USP31: variants seen among roughly 807,000 people sequenced by gnomAD.
USP31 encodes the protein ubiquitin specific peptidase 31.
In USP31, 44 loss-of-function variants were observed where a neutral mutation model predicts 119.4. The ratio of observed to expected loss-of-function variants is 0.37; its 90% CI spans 0.29 to 0.47. The LOEUF (loss-of-function observed/expected upper bound fraction) is 0.47. Ranked by LOEUF, USP31 falls within the 20% of genes least tolerant of loss-of-function variation. The probability of loss-of-function intolerance (pLI) is 0.99; values close to 1 mark genes in which losing one functional copy is unlikely to be tolerated. For missense variants in USP31, 1,643 were observed against 1,730.2 expected, an observed-to-expected ratio of 0.95 and a Z score of 0.89; for synonymous variants, 749 against 705.6, an observed-to-expected ratio of 1.06 and a Z score of -0.97.
At chr16:23,135,137 T>TAAAAAAAAAAA in intron 1 of USP31, among the ~76,000 whole-genome samples, 1 of 127,842 alleles carries the variant, frequency 7.8e-6, no homozygotes, top group Non-Finnish European at 1.7e-5. Flanking sequence ...TTTCATGATT[T>TAAAAAAAAAAA]AAAAAAAAAA....
intron 1 of USP31, among the ~76,000 whole-genome samples, chr16:23,146,318 C>T (rs1233796887): frequency 2.6e-5 from 4 of 151,982 alleles, no homozygotes; most frequent in African/African-American, 9.7e-5. Context: ...CAGCTGGGCA[C>T]GGTGGCTCAC....
chr16:23,115,543 C>A (rs1036229169), intron 1 of USP31, among the ~76,000 whole-genome samples: 2 of 152,010 alleles, frequency 1.3e-5, no homozygotes, highest in African/African-American at 4.8e-5. Flanking sequence ...AGAACATGCA[C>A]CTTCTTAAAA....
intron 15 of USP31, 84 bp downstream of exon 15, chr16:23,071,961 C>A: frequency 1.3e-6 from 2 of 1,531,094 alleles, no homozygotes; most frequent in Non-Finnish European, 1.8e-6. Context: ...CTCCTTGGGA[C>A]TTAGCTCCTA....
At chr16:23,072,494 GA>G (rs1196501621) in intron 14 of USP31, 1 of 592,702 alleles carries the variant, frequency 1.7e-6, no homozygotes, top group Non-Finnish European at 3.0e-6. Flanking sequence ...CAAGAGAATG[GA>G]ATAGACAAGC....
At chr16:23,087,224 T>C in intron 8 of USP31, 38 bp from the exon 9 acceptor site, 1 of 1,586,386 alleles carries the variant, frequency 6.3e-7, no homozygotes, top group Non-Finnish European at 8.6e-7. Flanking sequence ...GCCAAATTTT[T>C]CTTCAAGGGC....
At position 23,149,381 on chromosome 16, in the gene USP31, G is replaced by A. The variant is rs1250898122; in HGVS notation, c.-111C>T. ...GCCTCACCGGGCCCGGGGGCTCGAC[G>A]CCCCACACACCTCAAAGCGCAGCCG... On this transcript the variant is annotated 5_prime_UTR_variant, in exon 1 of 16. Coordinates refer to ENST00000219689, the MANE Select transcript of USP31 (RefSeq NM_020718.4). 24 of 983,416 alleles carry A rather than the reference G, an allele frequency of 2.4e-5. No individual in the cohort carries two copies. The highest frequency in any genetic ancestry group is 7.2e-6 in the Non-Finnish European group (6 of 829,482). The allele number at this position is 983,416 out of a possible 1,614,324, so 60.9% of individuals were successfully genotyped here.
intron 1 of USP31, among the ~76,000 whole-genome samples, chr16:23,143,721 T>C (rs189401176): frequency 1.2e-3 from 182 of 152,312 alleles, no homozygotes; most frequent in African/African-American, 4.3e-3. Flanking sequence ...TCAGCACTAC[T>C]GACACTTTGG....
At chr16:23,092,782 G>A (rs1211737051) in intron 6 of USP31, among the ~76,000 whole-genome samples, 1 of 152,130 alleles carries the variant, frequency 6.6e-6, no homozygotes, top group Non-Finnish European at 1.5e-5. Flanking sequence ...TGAATTGTAA[G>A]CTGGCATTGG....
At position 23,149,352 on chromosome 16, in the gene USP31, C is replaced by T; in HGVS notation, c.-82G>A. The T allele has an allele frequency of 2.0e-6, 2 of 994,932 alleles. No homozygotes were observed. The highest frequency in any genetic ancestry group is 5.1e-4 in the Middle Eastern group (1 of 1,978). 61.6% of individuals were successfully genotyped at this position (994,932 alleles called of 1,614,324 possible). On this transcript the variant is annotated 5_prime_UTR_variant, in exon 1 of 16. Transcript: ENST00000219689. ...ACGGCCGCCGCCGCATCCCGCAGCG[C>T]CGCGCCTCACCGGGCCCGGGGGCTC... is the stretch of plus-strand genomic sequence containing the variant.
chr16:23,106,446 G>C lies in USP31; in HGVS notation c.813C>G (p.Phe271Leu). 1 of 1,613,684 alleles carries C rather than the reference G, an allele frequency of 6.2e-7. No individual in the cohort carries two copies. The highest frequency in any genetic ancestry group is 8.5e-7 in the Non-Finnish European group (1 of 1,179,862). Reference protein sequence around the residue: ...ETDMMPEGPSFPVCSTFVQEL... With the variant: ...ETDMMPEGPSLPVCSTFVQEL... ...CTTGTACAAAAGTGCTACAGACAGG[G>C]AAAGATGGTCCCTCAGGCATCATAT... Residue 271 changes from phenylalanine (F) to leucine (L), a missense_variant, in exon 3 of 16, where the codon TTC becomes TTG. By Grantham distance (22) the Phe-to-Leu change is conservative. Transcript: ENST00000219689.
chr16:23,119,693 C>A (rs1401368015), intron 1 of USP31, among the ~76,000 whole-genome samples: 1 of 152,070 alleles, frequency 6.6e-6, no homozygotes, highest in Admixed American at 6.6e-5. Flanking sequence ...AAATATGGCC[C>A]AGAAACAAAA....
At position 23,102,378 on chromosome 16, in the gene USP31, C is replaced by T. The variant is rs542922018; in HGVS notation, c.1175G>A (p.Cys392Tyr). The change falls in exon 6 of 16, where the codon TGC becomes TAC. Residue 392 changes from cysteine (C) to tyrosine (Y), a missense_variant. By Grantham distance (194) the Cys-to-Tyr change is radical. Around this residue, in one of 5 missense-constraint regions of USP31, gnomAD observed 219 missense variants for 226.4 expected, o/e 0.97. Coordinates refer to ENST00000219689, the MANE Select transcript of USP31 (RefSeq NM_020718.4). ...TTCGGGAGTCTCAAAGGCAAAAATG[C>T]AGTCGCTTTCATGGACTGTTTCCAG... ...DDLETVHESDCIFAFETPEIF... is the reference protein window; with the variant it reads ...DDLETVHESDYIFAFETPEIF... The T allele has an allele frequency of 4.3e-6, 7 of 1,613,816 alleles. No individual in the cohort carries two copies. In the South Asian group the frequency reaches 7.7e-5, roughly 18 times the overall value.
chr16:23,079,991 C>A lies in USP31; in HGVS notation c.2131G>T (p.Ala711Ser). The change falls in exon 13 of 16, where the codon GCT (alanine) becomes TCT (serine). Residue 711 changes from alanine to serine, a missense_variant. Ala to Ser is a moderately conservative substitution (Grantham distance 99). Around this residue, in one of 5 missense-constraint regions of USP31, gnomAD observed 279 missense variants for 372.2 expected, o/e 0.75. Coordinates refer to ENST00000219689, the MANE Select transcript of USP31 (RefSeq NM_020718.4). ...ATGGTGCCATGGTGATTGCACACAG[C>A]ATACAGGTCATAGATGTAGTCCTCA... ...DPEDYIYDLY[A>S]VCNHHGTMQG... is the part of the protein sequence containing the mutation. 6.2e-7 allele frequency: 1 copy of A among 1,614,064 alleles called. No homozygotes were observed. The highest frequency in any genetic ancestry group is 8.5e-7 in the Non-Finnish European group (1 of 1,180,006).
chr16:23,146,523 ATC>A (rs1430050400), intron 1 of USP31, among the ~76,000 whole-genome samples: 5 of 152,202 alleles, frequency 3.3e-5, no homozygotes, highest in Admixed American at 3.3e-4. Flanking sequence ...GTGAGACTCC[ATC>A]TCAAAAATAA....
intron 5 of USP31, 88 bp downstream of exon 5, chr16:23,105,353 A>C: frequency 7.1e-7 from 1 of 1,402,260 alleles, no homozygotes; most frequent in Non-Finnish European, 9.4e-7. Context: ...ATCCAACCAT[A>C]CTTGGCAAAG....
intron 9 of USP31, among the ~76,000 whole-genome samples, chr16:23,086,269 G>T (rs907864764): frequency 2.8e-4 from 43 of 152,142 alleles, no homozygotes; most frequent in African/African-American, 1.0e-3. Flanking sequence ...CTTTCAAGCA[G>T]GACCATATTG....
Position 23,069,077 on chromosome 16 carries a change from TG to T in USP31, c.3027del (p.Ser1010AlafsTer55). On this transcript the variant is annotated frameshift_variant, in exon 16 of 16. Transcript: ENST00000219689. LOFTEE classifies it high-confidence loss of function. ...TTCTTTGCGAGTGAGCCTGGGTGGC[TG>T]GGGGCTTTCACCTCTTTGACTGGAG... Reference protein sequence around the residue: ...DSSPVKEVKAPSHPGSLAKKP... With the variant: ...DSSPVKEVKAXSHPGSLAKKP... 6.2e-7 allele frequency: 1 copy of T among 1,612,462 alleles called. No homozygotes were observed.
Position 23,087,788 on chromosome 16 carries a change from T to C in USP31, c.1463A>G (p.Asp488Gly). The C allele has an allele frequency of 6.2e-7, 1 of 1,614,030 alleles. No individual in the cohort carries two copies. Among genetic ancestry groups the C allele is most frequent in the Non-Finnish European group, 8.5e-7 (1 of 1,180,014 alleles). ...VLHLEKTIAWDLLQKEILEKM... is the reference protein window; with the variant it reads ...VLHLEKTIAWGLLQKEILEKM... ...CTCCAAGATTTCCTTCTGCAGAAGG[T>C]CCCAAGCTATTGTCTTCTCTAAGTG... is the stretch of plus-strand genomic sequence containing the variant. The change falls in exon 8 of 16, where the codon GAC becomes GGC. Residue 488 changes from aspartate (D) to glycine (G), a missense_variant. By Grantham distance (94) the Asp-to-Gly change is moderately conservative. Coordinates refer to ENST00000219689, the MANE Select transcript of USP31 (RefSeq NM_020718.4).
In USP31 at chr16:23,073,797, T is replaced by C; in HGVS notation, c.2260A>G (p.Thr754Ala). ...TAGAAGAGGATGTATGCTGTCTGCG[T>C]GCAGACCTCATCTTCTGACAGCTGC... ...VQQLSEDEVC[T>A]QTAYILFYQR... Residue 754 changes from threonine (T) to alanine (A), a missense_variant, in exon 14 of 16, where the codon ACG becomes GCG. Around this residue, in one of 5 missense-constraint regions of USP31, gnomAD observed 279 missense variants for 372.2 expected, o/e 0.75. Transcript: ENST00000219689. 1.2e-6 allele frequency: 2 copies of C among 1,614,168 alleles called. No homozygotes were observed. Among genetic ancestry groups the C allele is most frequent in the East Asian group, 2.2e-5 (1 of 44,880 alleles).
Sources: gnomAD v4.1 joint callset for allele counts (sites outside exome capture counted in the v4.1 genomes callset) on GRCh38, gnomAD v4.1.1 for gene constraint, gnomAD v4.1.1 regional missense constraint, MANE v1.5 for transcripts, NCBI Gene and HGNC (gene_info 2026-07-23, HGNC 2026-07-21) for gene names.